The following TRAPPC9 variants were observed in gnomAD, a reference collection of about 807,000 sequenced individuals.
TRAPPC9 encodes trafficking protein particle complex subunit 9, also known as IKK2 binding protein.
TRAPPC9 carries 83 observed loss-of-function variants against 124.0 expected under a neutral mutation model. That is an observed-to-expected ratio of 0.67 (90% CI 0.56 to 0.80). The LOEUF is 0.80. Among genes scored for constraint, TRAPPC9 ranks in the 30% least tolerant of loss-of-function variants. The probability of loss-of-function intolerance (pLI) is 0.00; values close to 1 mark genes in which losing one functional copy is unlikely to be tolerated. For synonymous variants in TRAPPC9, 638 were observed against 617.5 expected (o/e 1.03, Z -0.49); for missense variants, 1,302 against 1,508.3 (o/e 0.86, Z 2.27).
At chr8:140,415,963 A>C (rs1426580087) in intron 5 of TRAPPC9, among the ~76,000 whole-genome samples, 1 of 152,176 alleles carries the variant, frequency 6.6e-6, no homozygotes, top group Non-Finnish European at 1.5e-5. Context: ...CCTGTCTCTT[A>C]AACCAGAAGA....
intron 6 of TRAPPC9, among the ~76,000 whole-genome samples, chr8:140,403,704 CTGCAG>C (rs1196524690): frequency 2.0e-5 from 3 of 150,808 alleles, no homozygotes; most frequent in Non-Finnish European, 4.4e-5. Context: ...GTAGCCTAAG[CTGCAG>C]TGCAGTGGTG....
chr8:140,169,608 C>A (rs952394391), intron 17 of TRAPPC9, among the ~76,000 whole-genome samples: 1 of 152,050 alleles, frequency 6.6e-6, no homozygotes, highest in African/African-American at 2.4e-5. Flanking sequence ...GAAGGAAGCA[C>A]TGATGCTCAG....
At chr8:140,020,844 T>C (rs1839793858) in intron 18 of TRAPPC9, among the ~76,000 whole-genome samples, 1 of 152,214 alleles carries the variant, frequency 6.6e-6, no homozygotes, top group African/African-American at 2.4e-5. Context: ...TTTCATTTGA[T>C]CATTATGTAC....
chr8:139,872,978 A>G (rs13269153), intron 21 of TRAPPC9, among the ~76,000 whole-genome samples: 1,984 of 2,004 alleles, frequency 0.99, 991 homozygotes, highest in Middle Eastern at 1. Flanking sequence ...TTTGGTGGAT[A>G]AATGAGTGGG....
chr8:139,975,417 G>GTGA lies in TRAPPC9; in HGVS notation c.2810+13306_2810+13308dup, dbSNP rs566170221. On this transcript the variant is annotated intron_variant, in intron 19 of 22. Coordinates refer to ENST00000438773, the MANE Select transcript of TRAPPC9 (RefSeq NM_001160372.4). ...ATTTGCATTTCTAGCAAGTTCCCAG[G>GTGA]TGATGGTGCTGCTGCTGGCCTGGGT... Among the ~76,000 whole-genome samples the GTGA allele has an allele frequency of 4.1e-3, 627 of 152,300 alleles. 11 individuals are homozygous for GTGA. The highest frequency in any genetic ancestry group is 1.5e-3 in the Non-Finnish European group (103 of 68,032).
intron 21 of TRAPPC9, among the ~76,000 whole-genome samples, chr8:139,819,377 A>T (rs1372229309): frequency 3.3e-5 from 5 of 152,160 alleles, no homozygotes. Context: ...GTGCACGATA[A>T]ATGTAACAGG....
chr8:139,915,844 C>G (rs1368986722), intron 19 of TRAPPC9, among the ~76,000 whole-genome samples: 1 of 152,184 alleles, frequency 6.6e-6, no homozygotes, highest in East Asian at 1.9e-4. Context: ...TCCACACAAG[C>G]CTTAGCTTCT....
chr8:139,931,341 A>G (rs1246589492), intron 19 of TRAPPC9: 1 of 152,194 alleles, frequency 6.6e-6, no homozygotes, highest in Non-Finnish European at 1.5e-5. Context: ...TGACGTGGCA[A>G]ATATCCACAA....
At chr8:140,076,527 A>C (rs1000302165) in intron 17 of TRAPPC9, among the ~76,000 whole-genome samples, 1 of 152,226 alleles carries the variant, frequency 6.6e-6, no homozygotes, top group East Asian at 1.9e-4. Flanking sequence ...AGGCCTCCCG[A>C]GCCAACGTGT....
chr8:140,215,146 T>C (rs1476128831), intron 17 of TRAPPC9, among the ~76,000 whole-genome samples: 1 of 152,140 alleles, frequency 6.6e-6, no homozygotes, highest in Non-Finnish European at 1.5e-5. Flanking sequence ...AAATGCCGCA[T>C]GATTGCACAG....
intron 21 of TRAPPC9, among the ~76,000 whole-genome samples, chr8:139,836,452 G>GC (rs1400711935): frequency 3.3e-5 from 5 of 152,174 alleles, no homozygotes; most frequent in African/African-American, 4.8e-5. Context: ...GAAGCCGCTG[G>GC]GGGGACCTGG....
At chr8:139,824,035 A>G (rs1035048057) in intron 21 of TRAPPC9, among the ~76,000 whole-genome samples, 44 of 152,246 alleles carry the variant, frequency 2.9e-4, no homozygotes, top group Non-Finnish European at 3.1e-4. Flanking sequence ...AGCAGTTTAC[A>G]TGGGGCTCTC....
intron 13 of TRAPPC9, 124 bp from the exon 14 acceptor site, chr8:140,284,145 G>C (rs981092450): frequency 9.5e-6 from 12 of 1,269,726 alleles, no homozygotes; most frequent in Middle Eastern, 2.6e-4. Context: ...GCTGCCCGGG[G>C]CCCGCCGGCG....
chr8:140,405,660 T>C lies in TRAPPC9; in HGVS notation c.925A>G (p.Thr309Ala). 6.2e-7 allele frequency: 1 copy of C among 1,614,196 alleles called. No individual in the cohort carries two copies. The highest frequency in any genetic ancestry group is 1.7e-5 in the Admixed American group (1 of 60,022). ...CAGTTCTTAGCACGTCCGATCTCAG[T>C]ACTGGTGTCAGGGTTGATGCCATTG... Reference protein sequence around the residue: ...TTNGINPDTSTEIGRAKNCLS... With the variant: ...TTNGINPDTSAEIGRAKNCLS... The change falls in exon 6 of 23, where the codon ACT becomes GCT. Residue 309 changes from threonine (T) to alanine (A), a missense_variant. Transcript: ENST00000438773.
intron 7 of TRAPPC9, among the ~76,000 whole-genome samples, chr8:140,381,145 C>A (rs1351708937): frequency 2.7e-5 from 4 of 146,732 alleles, no homozygotes; most frequent in Non-Finnish European, 5.9e-5. Flanking sequence ...GCGGAGGTTG[C>A]AGTGAGCTGA....
chr8:140,045,502 C>T (rs1841526872), intron 17 of TRAPPC9, among the ~76,000 whole-genome samples: 1 of 151,876 alleles, frequency 6.6e-6, no homozygotes, highest in African/African-American at 2.4e-5. Flanking sequence ...CGGCACGCAC[C>T]TGTAGTCCCA....
At chr8:140,025,081 G>A (rs57622370) in intron 17 of TRAPPC9, among the ~76,000 whole-genome samples, 1,787 of 152,296 alleles carry the variant, frequency 0.012, 33 homozygotes, top group African/African-American at 0.041. Flanking sequence ...TGGGGGTGGC[G>A]CTGCACTCAG....
At chr8:139,811,724 C>T (rs191157588) in intron 21 of TRAPPC9, among the ~76,000 whole-genome samples, 26 of 152,330 alleles carry the variant, frequency 1.7e-4, no homozygotes, top group Admixed American at 1.5e-3. Flanking sequence ...GGAAGAGAAT[C>T]TAAATCCTAA....
At chr8:139,973,007 A>G (rs1836204559) in intron 19 of TRAPPC9, among the ~76,000 whole-genome samples, 1 of 152,134 alleles carries the variant, frequency 6.6e-6, no homozygotes, top group Admixed American at 6.5e-5. Flanking sequence ...TCCTGCCCCC[A>G]GCTACCCCAT....
Sources: allele counts gnomAD v4.1 joint callset (sites outside exome capture counted in the v4.1 genomes callset), GRCh38; gene constraint gnomAD v4.1.1; transcripts MANE v1.5; gene names NCBI Gene and HGNC (gene_info 2026-07-23, HGNC 2026-07-21).